The following CCDC88C variants were observed in gnomAD, a reference collection of about 807,000 sequenced individuals.
CCDC88C encodes the protein protein Daple.
Under a neutral mutation model 198.8 loss-of-function variants are expected in CCDC88C, and 131 were observed. That is an observed-to-expected ratio of 0.66 (90% CI 0.57 to 0.76). CCDC88C has a LOEUF of 0.76. Among genes scored for constraint, CCDC88C ranks in the 30% least tolerant of loss-of-function variants. The pLI is 0.00. For synonymous variants in CCDC88C, 1,166 were observed against 1,114.7 expected, an observed-to-expected ratio of 1.05 and a Z score of -0.92; for missense variants, 2,553 against 2,631.6, an observed-to-expected ratio of 0.97 and a Z score of 0.65.
chr14:91,293,075 AGCCCACCTTCCTGTCCTCACCTGCCACG>A (rs1567054548), intron 23 of CCDC88C, among the ~76,000 whole-genome samples: 4 of 144,920 alleles, frequency 2.8e-5, no homozygotes, highest in African/African-American at 5.2e-5. Flanking sequence ...CACCTGCCAC[AGCCCACCTTCCTGTCCTCACCTGCCACG>A]GCCCACCTTC....
chr14:91,296,156 G>A (rs569628518), intron 22 of CCDC88C, among the ~76,000 whole-genome samples: 42 of 152,134 alleles, frequency 2.8e-4, no homozygotes, highest in Non-Finnish European at 4.6e-4. Flanking sequence ...CTGTTTGGGG[G>A]GACTGGTTTG....
intron 3 of CCDC88C, among the ~76,000 whole-genome samples, chr14:91,394,078 CA>C (rs1271752530): frequency 6.6e-6 from 1 of 152,152 alleles, no homozygotes; most frequent in African/African-American, 2.4e-5. Flanking sequence ...GGAAAGGAGG[CA>C]AAAATTTTAG....
chr14:91,285,696 AGAGAGGCTCGTTAG>A, intron 25 of CCDC88C: 2 of 1,288,966 alleles, frequency 1.6e-6, no homozygotes, highest in Non-Finnish European at 2.0e-6. Flanking sequence ...TCGGAGAAAG[AGAGAGGCTCGTTAG>A]GAGAGGATGG....
chr14:91,355,054 G>T (rs568891724), intron 4 of CCDC88C, among the ~76,000 whole-genome samples: 1 of 152,124 alleles, frequency 6.6e-6, no homozygotes, highest in African/African-American at 2.4e-5. Flanking sequence ...TGCCCGGAGC[G>T]GGCTGCAAAA....
At position 91,313,526 on chromosome 14, in the gene CCDC88C, C is replaced by A. The variant is rs538265590; in HGVS notation, c.2290G>T (p.Val764Leu). 2.5e-6 allele frequency: 4 copies of A among 1,609,622 alleles called. No homozygotes were observed. In the East Asian group the frequency reaches 6.7e-5, roughly 27 times the overall value. The stretch of plus-strand genomic sequence containing the variant: ...TGCAGCCGGAGGTTCTCAGCGCTCA[C>A]GCTCTGGTAGCTGAGCTCCAGGCGC... Reference protein sequence around the residue: ...SERLELSYQSVSAENLRLQQS... With the variant: ...SERLELSYQSLSAENLRLQQS... The change falls in exon 15 of 30, where the codon GTG (valine) becomes TTG (leucine). Residue 764 changes from valine (V) to leucine (L), a missense_variant. Coordinates refer to ENST00000389857, the MANE Select transcript of CCDC88C (RefSeq NM_001080414.4). This position sits in a 1 kb window ranked among gnomAD's most constrained non-coding sequence, Gnocchi z 5.2.
rs895637220 is a variant in CCDC88C at position 91,383,075 on chromosome 14, ACCC to A, written c.271-23367_271-23365del. On this transcript the variant is annotated intron_variant, in intron 3 of 29. Coordinates refer to ENST00000389857, the MANE Select transcript of CCDC88C (RefSeq NM_001080414.4). ...CTGAAGGACCCCAGGGCTCCAGTGCACCCCTTCCCAGCACCTTCCAGCCCAGTG... is the reference window on the plus strand; with the variant it reads ...CTGAAGGACCCCAGGGCTCCAGTGCACTTCCCAGCACCTTCCAGCCCAGTG... Among the ~76,000 whole-genome samples the A allele has an allele frequency of 2.6e-5, 4 of 152,178 alleles. No homozygotes were observed. In the South Asian group the frequency reaches 8.3e-4, roughly 32 times the overall value.
rs149101402 is a variant in CCDC88C at position 91,392,217 on chromosome 14, A to C, written c.270+16442T>G. 9.5e-4 allele frequency among the ~76,000 whole-genome samples: 144 copies of C among 152,254 alleles called. 1 individual carries two copies. The highest frequency in any genetic ancestry group is 2.3e-3 in the Admixed American group (35 of 15,288). ...TGAACCTGTACCTAGGAGGAGTTCA[A>C]ACAGACCCAGAACTTAACATGCTCT... On this transcript the variant is annotated intron_variant, in intron 3 of 29. Transcript: ENST00000389857.
intron 3 of CCDC88C, among the ~76,000 whole-genome samples, chr14:91,383,952 A>G (rs8007791): frequency 0.71 from 107,403 of 152,102 alleles, 38,406 homozygotes; most frequent in Non-Finnish European, 0.76. Context: ...TACTATAAAC[A>G]CCCATTCTGC....
chr14:91,330,474 T>C (rs1448866318), intron 10 of CCDC88C, among the ~76,000 whole-genome samples: 1 of 151,866 alleles, frequency 6.6e-6, no homozygotes, highest in East Asian at 1.9e-4. Flanking sequence ...TCCAGACCAT[T>C]AGGGAGGCAC....
chr14:91,312,618 G>C (rs1891884521), intron 15 of CCDC88C, among the ~76,000 whole-genome samples: 1 of 152,256 alleles, frequency 6.6e-6, no homozygotes, highest in Admixed American at 6.5e-5. Flanking sequence ...CTGGGAGGCA[G>C]AGGTTGCAGT....
chr14:91,331,122 A>T (rs1432014497), intron 10 of CCDC88C, among the ~76,000 whole-genome samples: 2 of 91,246 alleles, frequency 2.2e-5, no homozygotes, highest in Admixed American at 1.2e-4. Context: ...GGGTGGGGGG[A>T]GCGGTGCAGG....
chr14:91,413,003 C>T (rs1396972507), intron 2 of CCDC88C, among the ~76,000 whole-genome samples: 1 of 152,100 alleles, frequency 6.6e-6, no homozygotes, highest in East Asian at 1.9e-4. Flanking sequence ...CCTATTTCCC[C>T]GAGGATGTTT....
Position 91,414,982 on chromosome 14 carries a change from C to T in CCDC88C, c.161+1756G>A, listed in dbSNP as rs542243241. Among the ~76,000 whole-genome samples, 11 of 152,258 alleles carry T rather than the reference C, an allele frequency of 7.2e-5. No homozygotes were observed. In the South Asian group the frequency reaches 8.3e-4, roughly 11 times the overall value. On this transcript the variant is annotated intron_variant, in intron 2 of 29. Transcript: ENST00000389857. ...TCCTGATTTACAAGCAAGTGGGAAA[C>T]GCTTCAGGAATTCCAAAGGTCAGGG...
At chr14:91,367,234 G>A (rs987933309) in intron 3 of CCDC88C, among the ~76,000 whole-genome samples, 1 of 152,166 alleles carries the variant, frequency 6.6e-6, no homozygotes, top group Non-Finnish European at 1.5e-5. Context: ...ATAAATGAGA[G>A]GGAAATCCCA....
intron 3 of CCDC88C, among the ~76,000 whole-genome samples, chr14:91,367,952 T>C (rs561880320): frequency 1.3e-5 from 2 of 152,164 alleles, no homozygotes; most frequent in South Asian, 4.2e-4. Context: ...TGCCGGATGA[T>C]TTTTTTCTCC....
rs555162717 is a variant in CCDC88C, at chr14:91,367,349, C to T, written c.271-7638G>A. 2.6e-5 allele frequency among the ~76,000 whole-genome samples: 4 copies of T among 152,326 alleles called. No individual in the cohort carries two copies. In the South Asian group the frequency reaches 6.2e-4, roughly 24 times the overall value. On this transcript the variant is annotated intron_variant, in intron 3 of 29. Coordinates refer to ENST00000389857, the MANE Select transcript of CCDC88C (RefSeq NM_001080414.4). Reference sequence around the variant, plus strand: ...CAAACAGCAAAGAGAGCCTTCCACACAGCCAAAGCAAAACCACAAAGAATG... The same window carrying T: ...CAAACAGCAAAGAGAGCCTTCCACATAGCCAAAGCAAAACCACAAAGAATG...
chr14:91,408,390 G>C (rs1054747017), intron 3 of CCDC88C: 4 of 362,352 alleles, frequency 1.1e-5, no homozygotes, highest in African/African-American at 8.3e-5. Flanking sequence ...GGCAGAGGCT[G>C]CAAACTGAGG....
chr14:91,291,437 C>T (rs1342304459), intron 23 of CCDC88C, among the ~76,000 whole-genome samples: 1 of 152,202 alleles, frequency 6.6e-6, no homozygotes, highest in East Asian at 1.9e-4. Context: ...CAGGCAGAAC[C>T]TACCCCGCAG....
chr14:91,392,050 C>T (rs184306806), intron 3 of CCDC88C, among the ~76,000 whole-genome samples: 8 of 152,196 alleles, frequency 5.3e-5, no homozygotes, highest in Admixed American at 5.2e-4. Flanking sequence ...AGTTCACTCC[C>T]TGGCTCCATT....
Sources: allele counts gnomAD v4.1 joint callset (sites outside exome capture counted in the v4.1 genomes callset), GRCh38; gene constraint gnomAD v4.1.1; non-coding constraint Gnocchi (gnomAD v3.1); transcripts MANE v1.5; gene names NCBI Gene and HGNC (gene_info 2026-07-23, HGNC 2026-07-21).